Variants in ATP9A observed in about 807,000 individuals in gnomAD.
ATP9A encodes the protein ATPase phospholipid transporting 9A.
In ATP9A, 52 loss-of-function variants were observed where a neutral mutation model predicts 144.1. That is an observed-to-expected ratio of 0.36 (90% CI 0.29 to 0.45). The LOEUF (loss-of-function observed/expected upper bound fraction) is 0.45, where lower values mean the gene tolerates loss of function less well. ATP9A is among the 20% of genes least tolerant of loss of function. The pLI is 1.00. For synonymous variants in ATP9A, 582 were observed against 557.4 expected (o/e 1.04, Z -0.62); for missense variants, 947 against 1,392.7 (o/e 0.68, Z 5.09).
In ATP9A at chr20:51,655,686, C is replaced by T. The variant is rs546710662; in HGVS notation, c.1506+1252G>A. 5.3e-5 allele frequency among the ~76,000 whole-genome samples: 8 copies of T among 152,136 alleles called. No homozygotes were observed. In the South Asian group the frequency reaches 8.3e-4, roughly 16 times the overall value. ...AACTGTCATACGTTGCTGGTAGATA[C>T]GTAAAATAGCGCAGCCACTTTTGGA... is the stretch of plus-strand genomic sequence containing the variant. On this transcript the variant is annotated intron_variant, in intron 14 of 27. Coordinates refer to ENST00000338821, the MANE Select transcript of ATP9A (RefSeq NM_006045.3).
chr20:51,629,271 C>A (rs2077261684), intron 15 of ATP9A, among the ~76,000 whole-genome samples, 199 bp from the exon 16 acceptor site: 1 of 152,178 alleles, frequency 6.6e-6, no homozygotes, highest in Non-Finnish European at 1.5e-5. Context: ...ACTCAAAGCA[C>A]TTGGAAGATT....
intron 3 of ATP9A, among the ~76,000 whole-genome samples, chr20:51,718,894 C>T (rs2077675564): frequency 1.4e-5 from 2 of 146,318 alleles, no homozygotes; most frequent in South Asian, 4.4e-4. Context: ...CTTTGGGAGG[C>T]CAAGGCAGGT....
chr20:51,663,667 G>C (rs1442633708), intron 13 of ATP9A, among the ~76,000 whole-genome samples: 4 of 151,818 alleles, frequency 2.6e-5, no homozygotes, highest in Non-Finnish European at 4.4e-5. Context: ...GGTGGTAGGC[G>C]CCTGTAATCC....
At chr20:51,698,849 C>T (rs1267292411) in intron 4 of ATP9A, among the ~76,000 whole-genome samples, 2 of 152,082 alleles carry the variant, frequency 1.3e-5, no homozygotes, top group Admixed American at 6.6e-5. Context: ...CAGGGAACAG[C>T]GAGAGATGAA....
chr20:51,696,281 G>A (rs1783130565), intron 5 of ATP9A, 137 bp from the exon 6 acceptor site: 2 of 633,292 alleles, frequency 3.2e-6, no homozygotes, highest in Non-Finnish European at 2.8e-6. Flanking sequence ...ACTCTTTTAC[G>A]TTTCTGCCTT....
intron 19 of ATP9A, among the ~76,000 whole-genome samples, chr20:51,620,310 A>G (rs962439504): frequency 8.5e-5 from 13 of 152,196 alleles, no homozygotes; most frequent in African/African-American, 2.7e-4. Flanking sequence ...TTAGTTTGCA[A>G]TCCCTGAATT....
chr20:51,740,691 C>G (rs1323867054), intron 1 of ATP9A, among the ~76,000 whole-genome samples: 1 of 149,976 alleles, frequency 6.7e-6, no homozygotes, highest in Non-Finnish European at 1.5e-5. Context: ...GCCTCAGCCT[C>G]CCACGTGGCT....
chr20:51,669,851 C>G, intron 13 of ATP9A, 146 bp downstream of exon 13: 1 of 658,778 alleles, frequency 1.5e-6, no homozygotes, highest in Non-Finnish European at 2.6e-6. Context: ...GTGACAGTTG[C>G]TCAACTCTGA....
At chr20:51,743,783 C>T (rs566840540) in intron 1 of ATP9A, among the ~76,000 whole-genome samples, 5 of 149,584 alleles carry the variant, frequency 3.3e-5, no homozygotes, top group East Asian at 2.1e-4. Context: ...CTGAGGCGGG[C>T]GGATCACGAG....
chr20:51,652,912 A>ACCTGGCTAT (rs2077372508), intron 14 of ATP9A, among the ~76,000 whole-genome samples: 1 of 151,992 alleles, frequency 6.6e-6, no homozygotes, highest in Non-Finnish European at 1.5e-5. Context: ...ATCGAGACCA[A>ACCTGGCTAT]CCTGGCTAAC....
At chr20:51,757,865 G>A (rs2077863162) in intron 1 of ATP9A, among the ~76,000 whole-genome samples, 1 of 151,084 alleles carries the variant, frequency 6.6e-6, no homozygotes, top group South Asian at 2.1e-4. Context: ...CGCACCCACT[G>A]TACTCCAGCC....
Position 51,596,568 on chromosome 20 carries a change from G to A in ATP9A, c.*4643C>T, listed in dbSNP as rs2077120293. 1 of 151,944 alleles carries A rather than the reference G, an allele frequency of 6.6e-6. No homozygotes were observed. The highest frequency in any genetic ancestry group is 2.1e-4 in the South Asian group (1 of 4,820). The allele number at this position is 151,944 out of a possible 1,614,324, so 9.4% of individuals were successfully genotyped here. On this transcript the variant is annotated 3_prime_UTR_variant, in exon 28 of 28. Coordinates refer to ENST00000338821, the MANE Select transcript of ATP9A (RefSeq NM_006045.3). The stretch of plus-strand genomic sequence containing the variant: ...CACCTTTTGAAATTCTGACACGTCT[G>A]GGATGGACAATAGTACAAAATAATA...
At chr20:51,756,869 T>C (rs892914346) in intron 1 of ATP9A, among the ~76,000 whole-genome samples, 33 of 152,260 alleles carry the variant, frequency 2.2e-4, no homozygotes, top group Non-Finnish European at 4.0e-4. Context: ...GTCCAGACTA[T>C]ATGAATTTCT....
intron 1 of ATP9A, among the ~76,000 whole-genome samples, chr20:51,741,445 C>T (rs563410699): frequency 2.8e-4 from 43 of 152,170 alleles, no homozygotes; most frequent in Admixed American, 2.0e-3. Context: ...GGCGTGGTGG[C>T]GCATGCCTGT....
At chr20:51,715,108 A>G (rs2077656483) in intron 3 of ATP9A, among the ~76,000 whole-genome samples, 1 of 152,238 alleles carries the variant, frequency 6.6e-6, no homozygotes, top group Admixed American at 6.5e-5. Context: ...CCCAAGGGTT[A>G]GCAGTTGTGG....
chr20:51,626,378 A>T (rs1471747480), intron 17 of ATP9A, among the ~76,000 whole-genome samples: 2 of 151,956 alleles, frequency 1.3e-5, no homozygotes, highest in African/African-American at 2.4e-5. Context: ...AATCCCAGCT[A>T]CTTGGGGGCT....
chr20:51,617,599 C>T (rs1387188562), intron 21 of ATP9A, 45 bp from the exon 22 acceptor site: 2 of 1,588,616 alleles, frequency 1.3e-6, no homozygotes, highest in Admixed American at 1.7e-5. Flanking sequence ...TCATTCTTAC[C>T]TTAACCAAGA....
In ATP9A at chr20:51,618,946, A is replaced by G; in HGVS notation, c.2205+8T>C. 1 of 1,613,818 alleles carries G rather than the reference A, an allele frequency of 6.2e-7. No homozygotes were observed. Among genetic ancestry groups the G allele is most frequent in the Non-Finnish European group, 8.5e-7 (1 of 1,179,774 alleles). On this transcript the variant is annotated splice_region_variant and intron_variant, in intron 20 of 27. Transcript: ENST00000338821. ...GGAGGACTGGCTCTCAGGGGTCCCC[A>G]AGCTCACCTCCAGGGAGTCTCCCGA...
intron 3 of ATP9A, 89 bp from the exon 4 acceptor site, chr20:51,713,163 G>A (rs1181187436): frequency 8.1e-7 from 1 of 1,234,320 alleles, no homozygotes; most frequent in Non-Finnish European, 1.2e-6. Flanking sequence ...GGCAGGAAAG[G>A]CGAGAGGTCA....
Sources: gnomAD v4.1 joint callset for allele counts (sites outside exome capture counted in the v4.1 genomes callset) on GRCh38, gnomAD v4.1.1 for gene constraint, MANE v1.5 for transcripts, NCBI Gene and HGNC (gene_info 2026-07-23, HGNC 2026-07-21) for gene names.